CSMD1: variants seen among roughly 807,000 people sequenced by gnomAD.
CSMD1 encodes the protein CUB and sushi domain-containing protein 1.
CSMD1 carries 213 observed loss-of-function variants against 417.5 expected under a neutral mutation model. The observed-to-expected ratio is 0.51, with a 90% CI of 0.46 to 0.57. The LOEUF (loss-of-function observed/expected upper bound fraction) is 0.57, where lower values mean the gene tolerates loss of function less well. CSMD1 is among the 20% of genes least tolerant of loss of function. The probability of loss-of-function intolerance (pLI) is 0.00; values close to 1 mark genes in which losing one functional copy is unlikely to be tolerated. For synonymous variants in CSMD1, 2,862 were observed against 1,736.8 expected (o/e 1.65, Z -16.11); for missense variants, 6,923 against 4,529.7 (o/e 1.53, Z -15.17).
chr8:4,925,410 T>G (rs897717370), intron 1 of CSMD1, among the ~76,000 whole-genome samples: 4 of 152,012 alleles, frequency 2.6e-5, no homozygotes, highest in African/African-American at 7.2e-5. Context: ...TAAAACAATC[T>G]AAAATATACC....
At chr8:4,741,702 C>T (rs1172139516) in intron 1 of CSMD1, among the ~76,000 whole-genome samples, 1 of 152,140 alleles carries the variant, frequency 6.6e-6, no homozygotes, top group East Asian at 1.9e-4. Context: ...GTCTTCACTA[C>T]TCCAGGTTCC....
At chr8:3,179,054 T>G (rs988377687) in intron 37 of CSMD1, among the ~76,000 whole-genome samples, 1 of 151,590 alleles carries the variant, frequency 6.6e-6, no homozygotes, top group Admixed American at 6.6e-5. Flanking sequence ...TTCACGCCAT[T>G]CTCCTGCCTC....
intron 10 of CSMD1, among the ~76,000 whole-genome samples, chr8:3,561,783 A>G (rs1235860581): frequency 6.6e-6 from 1 of 150,718 alleles, no homozygotes; most frequent in Non-Finnish European, 1.5e-5. Context: ...TAACAAGTAA[A>G]ATTAAAAACA....
At chr8:3,791,995 T>G (rs1159789008) in intron 5 of CSMD1, among the ~76,000 whole-genome samples, 1 of 145,590 alleles carries the variant, frequency 6.9e-6, no homozygotes. Context: ...TTCTGATTTC[T>G]AATTCTTTTG....
At chr8:4,198,453 A>G (rs1433353678) in intron 3 of CSMD1, among the ~76,000 whole-genome samples, 2 of 152,204 alleles carry the variant, frequency 1.3e-5, no homozygotes, top group Non-Finnish European at 1.5e-5. Context: ...GTTAGGTAAA[A>G]TATGGATTTG....
intron 5 of CSMD1, among the ~76,000 whole-genome samples, chr8:3,791,153 G>C (rs964583676): frequency 1.3e-5 from 2 of 152,056 alleles, no homozygotes; most frequent in African/African-American, 2.4e-5. Flanking sequence ...TATTCTTCTA[G>C]GTTATTACTT....
At chr8:3,403,219 G>T (rs1405043038) in intron 15 of CSMD1, among the ~76,000 whole-genome samples, 1 of 152,166 alleles carries the variant, frequency 6.6e-6, no homozygotes, top group Non-Finnish European at 1.5e-5. Flanking sequence ...ATAAATAAGA[G>T]TATTCTGTAA....
intron 6 of CSMD1, among the ~76,000 whole-genome samples, chr8:3,712,213 G>C (rs1048684419): frequency 3.3e-5 from 5 of 152,154 alleles, no homozygotes; most frequent in African/African-American, 4.8e-5. Context: ...TGTACAAAAA[G>C]GGAAGGTGAC....
chr8:4,068,586 T>C (rs1799380552), intron 3 of CSMD1, among the ~76,000 whole-genome samples: 1 of 152,174 alleles, frequency 6.6e-6, no homozygotes, highest in Non-Finnish European at 1.5e-5. Context: ...ATGAGGTGTT[T>C]GTAATGATTG....
At chr8:4,886,993 T>G (rs1308855974) in intron 1 of CSMD1, among the ~76,000 whole-genome samples, 1 of 152,076 alleles carries the variant, frequency 6.6e-6, no homozygotes, top group Non-Finnish European at 1.5e-5. Flanking sequence ...GCTCAACTCT[T>G]ATATATTTCC....
At chr8:4,737,788 C>A (rs1030874195) in intron 1 of CSMD1, among the ~76,000 whole-genome samples, 1 of 152,094 alleles carries the variant, frequency 6.6e-6, no homozygotes, top group Non-Finnish European at 1.5e-5. Flanking sequence ...ACAAATAGTT[C>A]TTTGGACAAT....
chr8:2,960,306 G>A (rs1442135082), intron 62 of CSMD1, among the ~76,000 whole-genome samples: 2 of 152,220 alleles, frequency 1.3e-5, no homozygotes, highest in African/African-American at 4.8e-5. Context: ...TGGGATGCAA[G>A]AGAGCTACAA....
chr8:4,733,160 T>C (rs1399339683), intron 1 of CSMD1, among the ~76,000 whole-genome samples: 3 of 152,230 alleles, frequency 2.0e-5, no homozygotes, highest in Non-Finnish European at 2.9e-5. Flanking sequence ...ATTCAGTCAA[T>C]GTCTACCAAG....
At chr8:4,443,099 A>G (rs1798577349) in intron 2 of CSMD1, among the ~76,000 whole-genome samples, 1 of 152,198 alleles carries the variant, frequency 6.6e-6, no homozygotes, top group African/African-American at 2.4e-5. Flanking sequence ...TACTTTCTGA[A>G]TATAAAAGGG....
chr8:3,494,714 T>C (rs1796295139), intron 10 of CSMD1, among the ~76,000 whole-genome samples: 2 of 149,628 alleles, frequency 1.3e-5, no homozygotes, highest in Admixed American at 1.3e-4. Context: ...GAGAGAGATG[T>C]AACAAGAGAG....
chr8:3,304,130 G>A (rs191976893), intron 25 of CSMD1, among the ~76,000 whole-genome samples: 1 of 152,076 alleles, frequency 6.6e-6, no homozygotes, highest in Non-Finnish European at 1.5e-5. Context: ...CATTCCTTGA[G>A]AGTGAAAAAT....
chr8:4,240,991 C>T (rs1432922869), intron 3 of CSMD1, among the ~76,000 whole-genome samples: 1 of 152,142 alleles, frequency 6.6e-6, no homozygotes, highest in Admixed American at 6.5e-5. Flanking sequence ...TTATTTCCAG[C>T]CAACGTCTCA....
At chr8:4,362,472 C>G (rs532500178) in intron 3 of CSMD1, among the ~76,000 whole-genome samples, 1 of 152,284 alleles carries the variant, frequency 6.6e-6, no homozygotes, top group African/African-American at 2.4e-5. Context: ...GATAAGATTA[C>G]GGCTTTCTTC....
intron 65 of CSMD1, among the ~76,000 whole-genome samples, chr8:2,952,115 G>A (rs1477370029): frequency 2.6e-5 from 4 of 152,022 alleles, no homozygotes; most frequent in East Asian, 1.9e-4. Context: ...ACACATAAAC[G>A]TGAATTGTAG....
Sources: gnomAD v4.1 joint callset for allele counts (sites outside exome capture counted in the v4.1 genomes callset) on GRCh38, gnomAD v4.1.1 for gene constraint, MANE v1.5 for transcripts, NCBI Gene and HGNC (gene_info 2026-07-23, HGNC 2026-07-21) for gene names.